The following XIRP2 variants were observed in gnomAD, a reference collection of about 807,000 sequenced individuals.
XIRP2 encodes xin actin-binding repeat-containing protein 2.
In XIRP2, 236 loss-of-function variants were observed where a neutral mutation model predicts 277.0. The ratio of observed to expected loss-of-function variants is 0.85; its 90% CI spans 0.77 to 0.95. The LOEUF is 0.95. Ranked by LOEUF, XIRP2 falls within the 40% of genes least tolerant of loss-of-function variation. The pLI is 0.00. For missense variants in XIRP2, 4,640 were observed against 4,157.5 expected (o/e 1.12, Z -3.19); for synonymous variants, 1,490 against 1,416.5 (o/e 1.05, Z -1.17).
intron 2 of XIRP2, among the ~76,000 whole-genome samples, chr2:167,032,274 C>A (rs1360120458): frequency 2.6e-5 from 4 of 152,058 alleles, no homozygotes; most frequent in Admixed American, 1.3e-4. Flanking sequence ...AAACTGGACC[C>A]CTTCCTTACA....
intron 2 of XIRP2, among the ~76,000 whole-genome samples, chr2:166,937,742 G>T (rs533483242): frequency 9.0e-4 from 137 of 152,212 alleles, no homozygotes; most frequent in Middle Eastern, 3.4e-3. Flanking sequence ...TTTTTGGTTA[G>T]TAAGCTATTA....
intron 2 of XIRP2, among the ~76,000 whole-genome samples, chr2:167,002,459 C>G (rs1353901487): frequency 6.6e-6 from 1 of 151,850 alleles, no homozygotes; most frequent in Non-Finnish European, 1.5e-5. Flanking sequence ...TATCTATACT[C>G]TTTGCTTCAC....
chr2:166,900,927 C>A (rs1250118891), intron 1 of XIRP2, among the ~76,000 whole-genome samples: 1 of 152,068 alleles, frequency 6.6e-6, no homozygotes, highest in East Asian at 1.9e-4. Flanking sequence ...AGCCCCGTCA[C>A]CATCAAGTGG....
chr2:167,010,501 C>T (rs947247462), intron 2 of XIRP2, among the ~76,000 whole-genome samples: 23 of 152,028 alleles, frequency 1.5e-4, no homozygotes, highest in Admixed American at 3.9e-4. Context: ...AGTCAGGTAG[C>T]GTGATGCCTC....
intron 5 of XIRP2, among the ~76,000 whole-genome samples, chr2:167,229,578 A>G (rs1694696522): frequency 6.6e-6 from 1 of 152,150 alleles, no homozygotes. Flanking sequence ...GACAGAAGGT[A>G]TAATTAGCTC....
chr2:167,249,403 T>C lies in XIRP2; in HGVS notation c.8011T>C (p.Ser2671Pro). ...QSSRDIMQSKSACEIKQSHQE... is the reference protein window; with the variant it reads ...QSSRDIMQSKPACEIKQSHQE... ...CTCAAGGGACATTATGCAATCCAAA[T>C]CAGCTTGCGAAATTAAACAAAGTCA... The change falls in exon 9 of 11, where the codon TCA becomes CCA. Residue 2671 changes from serine (S) to proline (P), a missense_variant. Transcript: ENST00000409195. The C allele has an allele frequency of 6.2e-7, 1 of 1,613,726 alleles. No individual in the cohort carries two copies. The highest frequency in any genetic ancestry group is 1.1e-5 in the South Asian group (1 of 91,082).
In XIRP2 at chr2:167,259,254, G is replaced by A. The variant is rs1371913918; in HGVS notation, c.*1437G>A. 6.2e-7 allele frequency: 1 copy of A among 1,613,306 alleles called. No individual in the cohort carries two copies. The highest frequency in any genetic ancestry group is 8.5e-7 in the Non-Finnish European group (1 of 1,179,654). The stretch of plus-strand genomic sequence containing the variant: ...GAAAACACAGGTTTTGATGCTCTGA[G>A]CCATGAATGTACAGCTAAGCCTTTG... On this transcript the variant is annotated 3_prime_UTR_variant, in exon 11 of 11. Coordinates refer to ENST00000409195, the MANE Select transcript of XIRP2 (RefSeq NM_152381.6).
At chr2:167,075,196 G>GTTTT (rs1274433034) in intron 2 of XIRP2, among the ~76,000 whole-genome samples, 1 of 151,652 alleles carries the variant, frequency 6.6e-6, no homozygotes, top group East Asian at 1.9e-4. Context: ...GTTTTGTTTT[G>GTTTT]TTTTGTTTTT....
chr2:166,971,493 G>A (rs1686576816), intron 2 of XIRP2, among the ~76,000 whole-genome samples: 1 of 151,896 alleles, frequency 6.6e-6, no homozygotes, highest in Middle Eastern at 3.2e-3. Context: ...AATTACTTCT[G>A]ATATTTTGGA....
At chr2:167,096,738 C>T (rs1452260657) in intron 2 of XIRP2, among the ~76,000 whole-genome samples, 1 of 152,148 alleles carries the variant, frequency 6.6e-6, no homozygotes, top group East Asian at 1.9e-4. Context: ...GATTCTGGTA[C>T]ATTGTGTCTT....
At chr2:167,037,084 C>T (rs956136685) in intron 2 of XIRP2, among the ~76,000 whole-genome samples, 1 of 152,160 alleles carries the variant, frequency 6.6e-6, no homozygotes, top group Non-Finnish European at 1.5e-5. Context: ...CAGACTAATA[C>T]AAGACCCCAA....
Position 167,244,239 on chromosome 2 carries a change from A to G in XIRP2, c.2847A>G (p.Thr949=). Residue 949 remains threonine (T), a synonymous_variant, in exon 9 of 11, where the codon ACA becomes ACG. Transcript: ENST00000409195. ...EVDRGDVKNY[T]HIFESNNLIK... ...ACAGAGGAGATGTGAAGAATTACACACATATCTTTGAATCAAACAATTTAA... is the reference window on the plus strand; with the variant it reads ...ACAGAGGAGATGTGAAGAATTACACGCATATCTTTGAATCAAACAATTTAA... 1 of 1,613,764 alleles carries G rather than the reference A, an allele frequency of 6.2e-7. No homozygotes were observed. Among genetic ancestry groups the G allele is most frequent in the Non-Finnish European group, 8.5e-7 (1 of 1,179,864 alleles).
chr2:167,147,798 C>T (rs1382851164), intron 3 of XIRP2, among the ~76,000 whole-genome samples: 1 of 152,118 alleles, frequency 6.6e-6, no homozygotes, highest in South Asian at 2.1e-4. Flanking sequence ...AACGGCTCTT[C>T]CGAGTTCTGT....
intron 2 of XIRP2, among the ~76,000 whole-genome samples, chr2:166,924,821 G>A (rs1422364703): frequency 6.6e-6 from 1 of 151,962 alleles, no homozygotes; most frequent in South Asian, 2.1e-4. Flanking sequence ...GAATAAGAAC[G>A]CTGTTAAATT....
At chr2:167,105,980 G>T (rs764185920) in intron 2 of XIRP2, among the ~76,000 whole-genome samples, 2 of 151,080 alleles carry the variant, frequency 1.3e-5, no homozygotes, top group Non-Finnish European at 3.0e-5. Context: ...TAAGACTTTT[G>T]CCCACTTTCT....
At chr2:167,035,105 AT>A (rs748967692) in intron 2 of XIRP2, among the ~76,000 whole-genome samples, 6 of 152,274 alleles carry the variant, frequency 3.9e-5, no homozygotes, top group Middle Eastern at 6.8e-3. Flanking sequence ...TGTAAGTCCA[AT>A]TAAACCTCTT....
At chr2:167,042,652 G>C (rs1181100324) in intron 2 of XIRP2, among the ~76,000 whole-genome samples, 1 of 152,152 alleles carries the variant, frequency 6.6e-6, no homozygotes, top group East Asian at 1.9e-4. Context: ...TCAACAAGAA[G>C]ACTTAACTGT....
At chr2:167,007,679 A>ACTCT (rs145843756) in intron 2 of XIRP2, among the ~76,000 whole-genome samples, 3,550 of 142,244 alleles carry the variant, frequency 0.025, 67 homozygotes, top group South Asian at 0.052. Context: ...CCACATGTAC[A>ACTCT]CTCTCTCTCT....
chr2:167,240,826 C>G, intron 7 of XIRP2, 90 bp downstream of exon 7: 4 of 1,099,448 alleles, frequency 3.6e-6, no homozygotes, highest in Non-Finnish European at 5.6e-6. Flanking sequence ...ACAGTCCTCC[C>G]CTCTGAGTAA....
Sources: gnomAD v4.1 joint callset for allele counts (sites outside exome capture counted in the v4.1 genomes callset) on GRCh38, gnomAD v4.1.1 for gene constraint, MANE v1.5 for transcripts, NCBI Gene and HGNC (gene_info 2026-07-23, HGNC 2026-07-21) for gene names.